ITFG1: variants seen among roughly 807,000 people sequenced by gnomAD.
ITFG1 encodes integrin alpha FG-GAP repeat containing 1.
Under a neutral mutation model 81.8 loss-of-function variants are expected in ITFG1, and 34 were observed. The ratio of observed to expected loss-of-function variants is 0.42; its 90% CI spans 0.32 to 0.55. The LOEUF (loss-of-function observed/expected upper bound fraction) is 0.55, where lower values mean the gene tolerates loss of function less well. ITFG1 is among the 20% of genes least tolerant of loss of function. The pLI, the probability that ITFG1 is intolerant of heterozygous loss-of-function variation, is 0.17. For missense variants in ITFG1, 672 were observed against 755.4 expected (o/e 0.89, Z 1.29); for synonymous variants, 285 against 270.6 (o/e 1.05, Z -0.52).
intron 10 of ITFG1, among the ~76,000 whole-genome samples, chr16:47,276,336 TGTGTCGGA>T (rs1966398625): frequency 6.6e-6 from 1 of 152,108 alleles, no homozygotes; most frequent in Non-Finnish European, 1.5e-5. Context: ...TAGCAAAAGC[TGTGTCGGA>T]GTTTTATGAA....
At chr16:47,448,003 G>A (rs1184845093) in intron 5 of ITFG1, 1 of 152,130 alleles carries the variant, frequency 6.6e-6, no homozygotes, top group Non-Finnish European at 1.5e-5. Flanking sequence ...GAGAGGGAGG[G>A]TGCTGCCAGG....
chr16:47,311,272 G>C lies in ITFG1; in HGVS notation c.1038C>G (p.Asp346Glu). ...IGDYNMDGYP[D>E]ALVILKNTSG... ...ATGTGTTCTTTAGTATGACCAGAGCGTCTGGATAGCCATCCATATTGTAGT... is the reference window on the plus strand; with the variant it reads ...ATGTGTTCTTTAGTATGACCAGAGCCTCTGGATAGCCATCCATATTGTAGT... The change falls in exon 10 of 18, where the codon GAC becomes GAG. Residue 346 changes from aspartate (D) to glutamate (E), a missense_variant. By Grantham distance (45) the Asp-to-Glu change is conservative. Coordinates refer to ENST00000320640, the MANE Select transcript of ITFG1 (RefSeq NM_030790.5). The C allele has an allele frequency of 1.9e-6, 3 of 1,611,850 alleles. No homozygotes were observed. In the East Asian group the frequency reaches 6.7e-5, roughly 36 times the overall value.
intron 10 of ITFG1, among the ~76,000 whole-genome samples, chr16:47,265,811 G>T (rs1348082800): frequency 6.6e-6 from 1 of 152,148 alleles, no homozygotes; most frequent in Non-Finnish European, 1.5e-5. Context: ...GCCATACGTT[G>T]TGAGATTGGA....
chr16:47,228,513 C>T (rs1329957817), intron 13 of ITFG1, among the ~76,000 whole-genome samples: 4 of 152,166 alleles, frequency 2.6e-5, no homozygotes, highest in Non-Finnish European at 4.4e-5. Flanking sequence ...TGTGCCACCA[C>T]ATGCAGCTAA....
At chr16:47,212,655 G>T (rs1965577660) in intron 14 of ITFG1, among the ~76,000 whole-genome samples, 1 of 152,128 alleles carries the variant, frequency 6.6e-6, no homozygotes, top group Non-Finnish European at 1.5e-5. Context: ...TTTTATATTG[G>T]ATAATTTGTG....
intron 2 of ITFG1, 124 bp from the exon 3 acceptor site, chr16:47,454,282 C>T (rs909717801): frequency 3.9e-6 from 3 of 776,338 alleles, no homozygotes; most frequent in Non-Finnish European, 6.5e-6. Flanking sequence ...GACTGATTGC[C>T]TTCTCTTTCC....
At chr16:47,226,169 G>A (rs957645766) in intron 13 of ITFG1, among the ~76,000 whole-genome samples, 6 of 152,304 alleles carry the variant, frequency 3.9e-5, no homozygotes, top group Admixed American at 2.6e-4. Flanking sequence ...TCTAAGTTAC[G>A]ATGTTAGTTG....
intron 14 of ITFG1, among the ~76,000 whole-genome samples, chr16:47,163,424 TTAGCATGTTTTCAAGGTTCATCTATATGG>T (rs1964840020): frequency 1.3e-5 from 2 of 152,322 alleles, no homozygotes; most frequent in South Asian, 4.1e-4. Flanking sequence ...CTTCTTTCAC[TTAGCATGTTTTCAAGGTTCATCTATATGG>T]TAGCATGTTT....
intron 5 of ITFG1, among the ~76,000 whole-genome samples, chr16:47,438,549 A>ACTG (rs1219532574): frequency 2.0e-5 from 3 of 152,326 alleles, no homozygotes; most frequent in African/African-American, 7.2e-5. Flanking sequence ...TTCTGCAGCC[A>ACTG]CTGCTGCTGA....
chr16:47,388,877 G>A (rs1968495430), intron 6 of ITFG1, among the ~76,000 whole-genome samples: 1 of 152,128 alleles, frequency 6.6e-6, no homozygotes, highest in Non-Finnish European at 1.5e-5. Context: ...ATTCCTCAAA[G>A]TTTATTACAG....
intron 8 of ITFG1, among the ~76,000 whole-genome samples, chr16:47,334,203 C>T (rs529101406): frequency 6.6e-5 from 10 of 152,270 alleles, no homozygotes; most frequent in African/African-American, 2.2e-4. Flanking sequence ...AATCCCAGCA[C>T]TTTGGGAGGC....
chr16:47,156,815 T>G (rs2151504143), intron 17 of ITFG1, among the ~76,000 whole-genome samples: 1 of 152,238 alleles, frequency 6.6e-6, no homozygotes, highest in African/African-American at 2.4e-5. Flanking sequence ...AATACGACTG[T>G]GGAGTCACAT....
intron 10 of ITFG1, among the ~76,000 whole-genome samples, chr16:47,265,623 A>G (rs970506353): frequency 1.3e-5 from 2 of 152,200 alleles, no homozygotes; most frequent in Non-Finnish European, 2.9e-5. Context: ...TAAACACTAC[A>G]GTATTCACTA....
Position 47,455,459 on chromosome 16 carries a change from G to A in ITFG1, c.282-1301C>T, listed in dbSNP as rs78954309. 7.9e-5 allele frequency among the ~76,000 whole-genome samples: 12 copies of A among 151,626 alleles called. No homozygotes were observed. In the East Asian group the frequency reaches 1.9e-3, roughly 24 times the overall value. ...AGTAAGAAAACAAAAGAAAAACCTCGGAAATTAAAAATGTGACACCTGGCT... is the reference window on the plus strand; with the variant it reads ...AGTAAGAAAACAAAAGAAAAACCTCAGAAATTAAAAATGTGACACCTGGCT... On this transcript the variant is annotated intron_variant, in intron 2 of 17. Transcript: ENST00000320640.
At chr16:47,177,210 T>G (rs1020037141) in intron 14 of ITFG1, among the ~76,000 whole-genome samples, 32 of 152,148 alleles carry the variant, frequency 2.1e-4, no homozygotes, top group Non-Finnish European at 7.4e-5. Context: ...CTACAAGTGA[T>G]CCTCCCACCT....
At chr16:47,215,574 C>T (rs1965616125) in intron 14 of ITFG1, among the ~76,000 whole-genome samples, 1 of 152,100 alleles carries the variant, frequency 6.6e-6, no homozygotes, top group African/African-American at 2.4e-5. Context: ...AAAAATCACA[C>T]ACATACAATT....
chr16:47,208,474 C>T (rs1965527343), intron 14 of ITFG1, among the ~76,000 whole-genome samples: 1 of 152,214 alleles, frequency 6.6e-6, no homozygotes, highest in South Asian at 2.1e-4. Flanking sequence ...GTATGAGGCA[C>T]TGTATCTTCT....
intron 12 of ITFG1, among the ~76,000 whole-genome samples, chr16:47,251,734 C>G (rs891592279): frequency 1.3e-5 from 2 of 152,104 alleles, no homozygotes; most frequent in Non-Finnish European, 2.9e-5. Context: ...ATGTACATAC[C>G]TATGATAAAG....
intron 8 of ITFG1, among the ~76,000 whole-genome samples, chr16:47,361,438 ATTT>A (rs1329031741): frequency 3.3e-4 from 51 of 152,248 alleles, no homozygotes; most frequent in Non-Finnish European, 6.0e-4. Context: ...ATAACACCTT[ATTT>A]ATAGGAATTC....
Sources: gnomAD v4.1 joint callset for allele counts (sites outside exome capture counted in the v4.1 genomes callset) on GRCh38, gnomAD v4.1.1 for gene constraint, MANE v1.5 for transcripts, NCBI Gene and HGNC (gene_info 2026-07-23, HGNC 2026-07-21) for gene names.